COL15A1: variants seen among roughly 807,000 people sequenced by gnomAD.
COL15A1 encodes collagen alpha-1(XV) chain.
In COL15A1, 111 loss-of-function variants were observed where a neutral mutation model predicts 165.9. The ratio of observed to expected loss-of-function variants is 0.67; its 90% CI spans 0.57 to 0.78. The LOEUF (loss-of-function observed/expected upper bound fraction) is 0.78. Among genes scored for constraint, COL15A1 ranks in the 30% least tolerant of loss-of-function variants. COL15A1 has a pLI of 0.00. For synonymous variants in COL15A1, 659 were observed against 674.8 expected (o/e 0.98, Z 0.36); for missense variants, 1,745 against 1,789.7 (o/e 0.98, Z 0.45).
chr9:99,051,558 T>G (rs930445575), intron 30 of COL15A1, among the ~76,000 whole-genome samples: 1 of 152,184 alleles, frequency 6.6e-6, no homozygotes, highest in Non-Finnish European at 1.5e-5. Flanking sequence ...GTGGAGAAAC[T>G]TTATCAGCAT....
At chr9:99,062,201 G>A (rs375378274) in intron 37 of COL15A1, 44 bp from the exon 38 acceptor site, 10 of 1,601,250 alleles carry the variant, frequency 6.2e-6, no homozygotes, top group African/African-American at 2.7e-5. Context: ...AATGGGAGAA[G>A]TTTGTAATTG....
intron 24 of COL15A1, among the ~76,000 whole-genome samples, chr9:99,042,658 G>A (rs2119076072): frequency 6.6e-6 from 1 of 152,306 alleles, no homozygotes; most frequent in South Asian, 2.1e-4. Context: ...TTAATGAGTA[G>A]AACAAATGTT....
At chr9:99,059,572 G>A (rs1330529247) in intron 35 of COL15A1, among the ~76,000 whole-genome samples, 4 of 152,224 alleles carry the variant, frequency 2.6e-5, no homozygotes. Flanking sequence ...ATTTTTGAAT[G>A]CAAGTGACAA....
chr9:99,024,993 G>A lies in COL15A1; in HGVS notation c.1974G>A (p.Gly658=). The change falls in exon 15 of 42, where the codon GGG becomes GGA. Residue 658 remains glycine, a synonymous_variant. Coordinates refer to ENST00000375001, the MANE Select transcript of COL15A1 (RefSeq NM_001855.5). ...AGGATGGACCTGCTGGTGAACCTGG[G>A]CCCCCGGTGAGCAACTGAAGTCTTC... ...PGEDGPAGEP[G]PPGPEGQPGV... 6.2e-7 allele frequency: 1 copy of A among 1,613,148 alleles called. No individual in the cohort carries two copies. The highest frequency in any genetic ancestry group is 8.5e-7 in the Non-Finnish European group (1 of 1,179,574).
intron 2 of COL15A1, among the ~76,000 whole-genome samples, chr9:98,952,001 A>T (rs10760609): frequency 0.7 from 106,273 of 152,108 alleles, 37,547 homozygotes; most frequent in East Asian, 1. Context: ...CAGACTGTAC[A>T]GTGACCACTG....
rs138283764 is a variant in COL15A1 at position 99,044,585 on chromosome 9, G to T, written c.2592G>T (p.Pro864=). The change falls in exon 25 of 42, where the codon CCG becomes CCT. Residue 864 remains proline, a synonymous_variant. Transcript: ENST00000375001. ...AATTGCAGGGCGAGAAGGGAGAGCCGGGTGCCATCCTGACAGAGGACATTC... is the reference window on the plus strand; with the variant it reads ...AATTGCAGGGCGAGAAGGGAGAGCCTGGTGCCATCCTGACAGAGGACATTC... The part of the protein sequence containing the change: ...LKGEQGEKGE[P]GAILTEDIPL... 2 of 1,614,084 alleles carry T rather than the reference G, an allele frequency of 1.2e-6. No homozygotes were observed. Among genetic ancestry groups the T allele is most frequent in the Admixed American group, 1.7e-5 (1 of 60,010 alleles).
At chr9:98,994,263 T>C (rs2118917126) in intron 5 of COL15A1, among the ~76,000 whole-genome samples, 1 of 152,316 alleles carries the variant, frequency 6.6e-6, no homozygotes, top group South Asian at 2.1e-4. Context: ...CAAAAAGCTC[T>C]GCAGGTGATT....
At chr9:98,990,756 G>A (rs376703133) in intron 5 of COL15A1, among the ~76,000 whole-genome samples, 41 of 152,330 alleles carry the variant, frequency 2.7e-4, no homozygotes, top group African/African-American at 9.6e-4. Context: ...AGTGGGAGGG[G>A]AAGGAAGAGA....
intron 7 of COL15A1, among the ~76,000 whole-genome samples, chr9:99,002,960 A>G (rs1160577993): frequency 6.6e-6 from 1 of 152,252 alleles, no homozygotes; most frequent in East Asian, 1.9e-4. Context: ...TCCCATTGCT[A>G]TGAAACCTTC....
intron 3 of COL15A1, 47 bp downstream of exon 3, chr9:98,986,159 G>A (rs1838310392): frequency 1.4e-6 from 2 of 1,410,414 alleles, no homozygotes; most frequent in African/African-American, 2.9e-5. Context: ...TGGATGAACA[G>A]ACTCGCCATG....
intron 35 of COL15A1, among the ~76,000 whole-genome samples, chr9:99,058,324 A>C (rs1192948089): frequency 6.6e-6 from 1 of 152,236 alleles, no homozygotes; most frequent in East Asian, 1.9e-4. Context: ...AGGTCGGATC[A>C]CATGAGAACA....
rs67961829 is a variant in COL15A1, at chr9:99,066,599, G to GTTTTTTTTTTTT, written c.3652-269_3652-258dup. Among the ~76,000 whole-genome samples, 64 of 71,034 alleles carry GTTTTTTTTTTTT rather than the reference G, an allele frequency of 9.0e-4. 6 individuals are homozygous for GTTTTTTTTTTTT. The highest frequency in any genetic ancestry group is 2.6e-3 in the African/African-American group (49 of 19,122). The allele number at this position is 71,034 out of a possible 152,430, so 46.6% of individuals were successfully genotyped here. A position where few individuals can be genotyped will look rare whatever the true frequency, so the allele number is the denominator to read the frequency against. ...TTTGGTCCAAGCAATATTTTGTTCT[G>GTTTTTTTTTTTT]TTTTTTTTTTTTTTTTTTTTTTTTT... On this transcript the variant is annotated intron_variant, in intron 39 of 41. Coordinates refer to ENST00000375001, the MANE Select transcript of COL15A1 (RefSeq NM_001855.5).
intron 16 of COL15A1, among the ~76,000 whole-genome samples, chr9:99,032,982 C>T (rs114581725): frequency 5.9e-5 from 9 of 152,134 alleles, no homozygotes; most frequent in African/African-American, 1.9e-4. Context: ...TACTCAATGT[C>T]CTGATTGAAT....
chr9:99,003,426 G>A, intron 7 of COL15A1, 27 bp from the exon 8 acceptor site: 2 of 1,441,622 alleles, frequency 1.4e-6, no homozygotes, highest in South Asian at 1.5e-5. Context: ...CCAGAGACAT[G>A]GTCTCTTGTG....
chr9:99,008,323 A>G (rs886529091), intron 9 of COL15A1, among the ~76,000 whole-genome samples: 2 of 152,156 alleles, frequency 1.3e-5, no homozygotes, highest in Non-Finnish European at 2.9e-5. Flanking sequence ...ACCTGTACAG[A>G]GATTGTGTAG....
chr9:98,946,084 T>G (rs1837579830), intron 2 of COL15A1, among the ~76,000 whole-genome samples: 1 of 152,212 alleles, frequency 6.6e-6, no homozygotes, highest in African/African-American at 2.4e-5. Flanking sequence ...ATGTAAACTA[T>G]CCTCCTGCAA....
chr9:98,957,449 A>G (rs1837795459), intron 2 of COL15A1, among the ~76,000 whole-genome samples: 1 of 152,174 alleles, frequency 6.6e-6, no homozygotes, highest in African/African-American at 2.4e-5. Flanking sequence ...GTAAGCCACT[A>G]AGTTTGTGGT....
chr9:99,009,849 A>G (rs1838821793), intron 9 of COL15A1, among the ~76,000 whole-genome samples: 1 of 152,264 alleles, frequency 6.6e-6, no homozygotes, highest in Non-Finnish European at 1.5e-5. Flanking sequence ...AATTTCCATA[A>G]GCCTTTTTAT....
intron 39 of COL15A1, among the ~76,000 whole-genome samples, chr9:99,063,611 T>A (rs966589952): frequency 6.6e-6 from 1 of 151,616 alleles, no homozygotes; most frequent in African/African-American, 2.4e-5. Context: ...TACAGAAGGG[T>A]TTAAAGCAGG....
Sources: allele counts gnomAD v4.1 joint callset (sites outside exome capture counted in the v4.1 genomes callset), GRCh38; gene constraint gnomAD v4.1.1; transcripts MANE v1.5; gene names NCBI Gene and HGNC (gene_info 2026-07-23, HGNC 2026-07-21).